Variants in ASB4 observed in about 807,000 individuals in gnomAD.
The protein encoded by ASB4 is ankyrin repeat and SOCS box protein 4.
A neutral mutation model predicts 38.6 loss-of-function variants in ASB4; 35 were observed. The observed-to-expected ratio is 0.91, with a 90% CI of 0.69 to 1.20. ASB4 has a LOEUF of 1.20. ASB4 is among the 50% of genes most tolerant of loss of function. ASB4 has a pLI of 0.00. For missense variants in ASB4, 557 were observed against 527.2 expected, an observed-to-expected ratio of 1.06 and a Z score of -0.55; for synonymous variants, 195 against 201.3, an observed-to-expected ratio of 0.97 and a Z score of 0.26.
chr7:95,514,032 G>A (rs1790521692), intron 2 of ASB4, among the ~76,000 whole-genome samples: 1 of 152,114 alleles, frequency 6.6e-6, no homozygotes, highest in Non-Finnish European at 1.5e-5. Flanking sequence ...GGTCAGCTGT[G>A]CACTCACATG....
rs1487870719 is a variant in ASB4 at position 95,539,476 on chromosome 7, T to C, written c.*1717T>C. 2 of 152,252 alleles carry C rather than the reference T, an allele frequency of 1.3e-5. No individual in the cohort carries two copies. The highest frequency in any genetic ancestry group is 2.9e-5 in the Non-Finnish European group (2 of 68,050). The allele number at this position is 152,252 out of a possible 1,614,324, so 9.4% of individuals were successfully genotyped here. A position where few individuals can be genotyped will look rare whatever the true frequency, so the allele number is the denominator to read the frequency against. On this transcript the variant is annotated 3_prime_UTR_variant, in exon 5 of 5. Coordinates refer to ENST00000325885, the MANE Select transcript of ASB4 (RefSeq NM_016116.3). ...CTATATCATGGAATAGAATGCTGAA[T>C]TTGTATGAATTATTCACATAAAGCT...
At chr7:95,472,592 G>A in the ASB4 span, among the ~76,000 whole-genome samples, 1 of 152,120 alleles carries the variant, frequency 6.6e-6, no homozygotes, top group Non-Finnish European at 1.5e-5. Context: ...TTTCCTCACA[G>A]GGAAAAGCAG....
intron 1 of ASB4, among the ~76,000 whole-genome samples, chr7:95,495,374 G>GT (rs1306688049): frequency 6.6e-6 from 1 of 152,072 alleles, no homozygotes; most frequent in Non-Finnish European, 1.5e-5. Context: ...ATGATTGAAA[G>GT]TTTTTTAAAA....
At chr7:95,493,469 T>G (rs1397908378) in intron 1 of ASB4, among the ~76,000 whole-genome samples, 1 of 152,008 alleles carries the variant, frequency 6.6e-6, no homozygotes, top group African/African-American at 2.4e-5. Flanking sequence ...GTTCATTCAT[T>G]CCTGTGGGAT....
At chr7:95,490,354 CT>C (rs1198188543) in intron 1 of ASB4, among the ~76,000 whole-genome samples, 1 of 152,172 alleles carries the variant, frequency 6.6e-6, no homozygotes, top group African/African-American at 2.4e-5. Flanking sequence ...GATGTTCAAA[CT>C]TTTTTCTTTT....
At chr7:95,515,692 G>A (rs1054665863) in intron 2 of ASB4, among the ~76,000 whole-genome samples, 2 of 152,208 alleles carry the variant, frequency 1.3e-5, no homozygotes, top group African/African-American at 4.8e-5. Context: ...TGGGACTACA[G>A]GCGTGAGCCA....
rs11359538 is a variant in ASB4, at chr7:95,505,686, TCC to T, written c.487+9640_487+9641del. Among the ~76,000 whole-genome samples, 376 of 130,450 alleles carry T rather than the reference TCC, an allele frequency of 2.9e-3. 1 individual carries two copies. The highest frequency in any genetic ancestry group is 6.7e-3 in the East Asian group (28 of 4,170). The allele number at this position is 130,450 out of a possible 152,430, so 85.6% of individuals were successfully genotyped here. On this transcript the variant is annotated intron_variant, in intron 2 of 4. Coordinates refer to ENST00000325885, the MANE Select transcript of ASB4 (RefSeq NM_016116.3). The stretch of plus-strand genomic sequence containing the variant: ...TCTGGCTCCTTTTCCTCTATCCGTG[TCC>T]CCCCCCCCCCAAATACTTATTCATT...
At chr7:95,533,376 T>A (rs555682029) in intron 3 of ASB4, among the ~76,000 whole-genome samples, 4 of 152,356 alleles carry the variant, frequency 2.6e-5, no homozygotes, top group African/African-American at 9.6e-5. Flanking sequence ...CTTCTAACAC[T>A]CTTCGTGCTG....
At chr7:95,516,278 A>G (rs896180376) in intron 2 of ASB4, among the ~76,000 whole-genome samples, 1 of 152,228 alleles carries the variant, frequency 6.6e-6, no homozygotes, top group Admixed American at 6.5e-5. Flanking sequence ...GTAATGGTAC[A>G]TATTCCAAAG....
intron 1 of ASB4, among the ~76,000 whole-genome samples, chr7:95,490,340 C>T (rs1790153554): frequency 6.6e-6 from 1 of 152,168 alleles, no homozygotes; most frequent in Admixed American, 6.5e-5. Context: ...CTTTTCCTTT[C>T]TTCGATGTTC....
At chr7:95,551,195 G>A in the ASB4 span, among the ~76,000 whole-genome samples, 1 of 152,076 alleles carries the variant, frequency 6.6e-6, no homozygotes, top group Non-Finnish European at 1.5e-5. Flanking sequence ...TGGCCAGGCT[G>A]GTCTCAAACT....
chr7:95,471,441 A>G, the ASB4 span, among the ~76,000 whole-genome samples: 2 of 152,158 alleles, frequency 1.3e-5, no homozygotes, highest in Admixed American at 6.5e-5. Flanking sequence ...GGCCACCTCT[A>G]TTTTTCCAGA....
chr7:95,532,724 A>G (rs974428440), intron 3 of ASB4, among the ~76,000 whole-genome samples: 15 of 152,142 alleles, frequency 9.9e-5, no homozygotes, highest in Admixed American at 3.9e-4. Flanking sequence ...CTCTTTTTTA[A>G]GAGATTGTGT....
intron 2 of ASB4, among the ~76,000 whole-genome samples, chr7:95,505,943 G>T (rs1396404348): frequency 1.3e-5 from 2 of 152,058 alleles, no homozygotes; most frequent in African/African-American, 2.4e-5. Flanking sequence ...ACCCAGGCTA[G>T]AATGCAGTGG....
chr7:95,536,049 A>G (rs1309372160), intron 3 of ASB4, among the ~76,000 whole-genome samples: 3 of 152,172 alleles, frequency 2.0e-5, no homozygotes, highest in African/African-American at 7.2e-5. Flanking sequence ...TTCAATTCTC[A>G]TCTTCTTTGT....
rs1268662687 is a variant in ASB4 at position 95,495,972 on chromosome 7, T to A, written c.402T>A (p.Asn134Lys). 14 of 1,614,030 alleles carry A rather than the reference T, an allele frequency of 8.7e-6. No individual in the cohort carries two copies. The Admixed American group carries it at 2.3e-4, about 27-fold the overall frequency. The change falls in exon 2 of 5, where the codon AAT becomes AAA. Residue 134 changes from asparagine to lysine, a missense_variant. By Grantham distance (94) the Asn-to-Lys change is moderately conservative. Transcript: ENST00000325885. ...TCTGTGATCGTGGGGCAAAGCTCAATTGCTACTCCTTAAGTGGACACACAG... is the reference window on the plus strand; with the variant it reads ...TCTGTGATCGTGGGGCAAAGCTCAAATGCTACTCCTTAAGTGGACACACAG... ...KILCDRGAKL[N>K]CYSLSGHTAL...
downstream of ASB4, among the ~76,000 whole-genome samples, chr7:95,541,176 T>C (rs1380567046): frequency 3.3e-5 from 5 of 152,198 alleles, no homozygotes; most frequent in Non-Finnish European, 7.3e-5. Context: ...ATCTGACTCA[T>C]AATATAGGGA....
chr7:95,511,853 T>A (rs1204546840), intron 2 of ASB4, among the ~76,000 whole-genome samples: 4 of 152,176 alleles, frequency 2.6e-5, no homozygotes, highest in Admixed American at 6.5e-5. Context: ...GTGACCTCAA[T>A]ACAGAGCTCT....
At chr7:95,551,022 G>A in the ASB4 span, among the ~76,000 whole-genome samples, 11 of 152,150 alleles carry the variant, frequency 7.2e-5, no homozygotes, top group South Asian at 1.7e-3. Context: ...CTTTTGTCAC[G>A]CAGGCTGGAG....
Sources: gnomAD v4.1 joint callset for allele counts (sites outside exome capture counted in the v4.1 genomes callset) on GRCh38, gnomAD v4.1.1 for gene constraint, MANE v1.5 for transcripts, NCBI Gene and HGNC (gene_info 2026-07-23, HGNC 2026-07-21) for gene names.